The following FAM184B variants were observed in gnomAD, a reference collection of about 807,000 sequenced individuals.
FAM184B encodes the protein family with sequence similarity 184 member B.
FAM184B carries 111 observed loss-of-function variants against 135.9 expected under a neutral mutation model. The observed-to-expected ratio is 0.82, with a 90% CI of 0.70 to 0.96. The LOEUF (loss-of-function observed/expected upper bound fraction) is 0.96. FAM184B is among the 40% of genes least tolerant of loss of function. The probability of loss-of-function intolerance (pLI) is 0.00; values close to 1 mark genes in which losing one functional copy is unlikely to be tolerated. For missense variants in FAM184B, 1,375 were observed against 1,323.9 expected (o/e 1.04, Z -0.60); for synonymous variants, 552 against 524.8 (o/e 1.05, Z -0.71).
At chr4:17,724,478 T>A (rs1316782698) in intron 1 of FAM184B, among the ~76,000 whole-genome samples, 5 of 152,376 alleles carry the variant, frequency 3.3e-5, no homozygotes, top group Middle Eastern at 6.8e-3. Context: ...GCTCTGGCTG[T>A]GCCATGTCCA....
At chr4:17,704,384 C>T (rs1233886785) in intron 5 of FAM184B, among the ~76,000 whole-genome samples, 1 of 152,174 alleles carries the variant, frequency 6.6e-6, no homozygotes, top group Admixed American at 6.5e-5. Context: ...CAGAAATTTC[C>T]CTCACTTTGG....
At position 17,738,262 on chromosome 4, in the gene FAM184B, C is replaced by T. The variant is rs77265916; in HGVS notation, c.142-28618G>A. 4.5e-3 allele frequency among the ~76,000 whole-genome samples: 682 copies of T among 152,064 alleles called. 26 individuals carry two copies. The East Asian group carries it at 0.084, about 19-fold the overall frequency. ...TGGAAGGGTATGAATTCAGAGTGAC[C>T]AGTGGCCCTGCTCTCCATCACATGG... is the stretch of plus-strand genomic sequence containing the variant. On this transcript the variant is annotated intron_variant, in intron 1 of 17. Transcript: ENST00000265018.
chr4:17,725,507 G>A (rs1183447771), intron 1 of FAM184B, among the ~76,000 whole-genome samples: 1 of 152,138 alleles, frequency 6.6e-6, no homozygotes, highest in African/African-American at 2.4e-5. Flanking sequence ...CCTGAATCCA[G>A]GGCTGCTTTC....
chr4:17,735,088 A>AT lies in FAM184B; in HGVS notation c.142-25445_142-25444insA, dbSNP rs1717875537. Among the ~76,000 whole-genome samples the AT allele has an allele frequency of 2.6e-5, 4 of 151,598 alleles. No individual in the cohort carries two copies. The South Asian group carries it at 8.3e-4, about 32-fold the overall frequency. On this transcript the variant is annotated intron_variant, in intron 1 of 17. Transcript: ENST00000265018. ...CAGCAAACTATCGCAAGGAGAAAAA[A>AT]CCAAACACCACATGTTCTCACTCAT... is the stretch of plus-strand genomic sequence containing the variant.
intron 1 of FAM184B, among the ~76,000 whole-genome samples, chr4:17,717,549 C>G (rs1425719825): frequency 6.6e-6 from 1 of 152,114 alleles, no homozygotes; most frequent in Non-Finnish European, 1.5e-5. Context: ...CAGAATCCAT[C>G]AAGGCACATA....
chr4:17,757,029 A>C (rs987249384), intron 1 of FAM184B, among the ~76,000 whole-genome samples: 2 of 152,248 alleles, frequency 1.3e-5, no homozygotes, highest in African/African-American at 2.4e-5. Flanking sequence ...CATCACAAAA[A>C]GAGAAAATCA....
chr4:17,765,494 C>T (rs957941313), intron 1 of FAM184B, among the ~76,000 whole-genome samples: 1 of 152,060 alleles, frequency 6.6e-6, no homozygotes, highest in Admixed American at 6.5e-5. Flanking sequence ...CTCAACCTAA[C>T]TTTCACGATC....
intron 12 of FAM184B, among the ~76,000 whole-genome samples, chr4:17,644,423 G>T (rs1715408432): frequency 6.6e-6 from 1 of 152,104 alleles, no homozygotes; most frequent in Non-Finnish European, 1.5e-5. Context: ...ATGCAAGGCT[G>T]GTTCAATATA....
Position 17,762,473 on chromosome 4 carries a change from G to T in FAM184B, c.141+18686C>A, listed in dbSNP as rs181918598. Among the ~76,000 whole-genome samples the T allele has an allele frequency of 6.3e-3, 961 of 152,288 alleles. 11 individuals are homozygous for T. Among genetic ancestry groups the T allele is most frequent in the African/African-American group, 0.022 (920 of 41,562 alleles). ...GGCTTCAGGCTGTGAGCTGGATTCA[G>T]ATCCGGCTTCATTAGGGCCAGGCTA... On this transcript the variant is annotated intron_variant, in intron 1 of 17. Coordinates refer to ENST00000265018, the MANE Select transcript of FAM184B (RefSeq NM_015688.2).
At chr4:17,674,921 T>A (rs1716278512) in intron 7 of FAM184B, among the ~76,000 whole-genome samples, 1 of 152,204 alleles carries the variant, frequency 6.6e-6, no homozygotes, top group Non-Finnish European at 1.5e-5. Flanking sequence ...TACTTCCTCA[T>A]CTGAAATCTT....
chr4:17,636,512 C>A lies in FAM184B; in HGVS notation c.2784+16G>T, dbSNP rs777286657. 1 of 1,541,822 alleles carries A rather than the reference C, an allele frequency of 6.5e-7. No homozygotes were observed. Among genetic ancestry groups the A allele is most frequent in the Non-Finnish European group, 8.8e-7 (1 of 1,139,782 alleles). Reference sequence around the variant, plus strand: ...CCGGCCAGGTGCGTGGGTGAGGCGCCCCCTGACAGCCTCACCGTGAGCTGC... The same window carrying A: ...CCGGCCAGGTGCGTGGGTGAGGCGCACCCTGACAGCCTCACCGTGAGCTGC... On this transcript the variant is annotated intron_variant, in intron 15 of 17. Coordinates refer to ENST00000265018, the MANE Select transcript of FAM184B (RefSeq NM_015688.2).
chr4:17,647,489 G>C, intron 12 of FAM184B, 148 bp downstream of exon 12: 3 of 964,048 alleles, frequency 3.1e-6, no homozygotes, highest in Non-Finnish European at 4.5e-6. Flanking sequence ...GCCTCAAGTG[G>C]TTCTCTGGCT....
At chr4:17,642,332 C>T in intron 12 of FAM184B, 104 bp from the exon 13 acceptor site, 1 of 1,376,610 alleles carries the variant, frequency 7.3e-7, no homozygotes. Flanking sequence ...ACTGGCACCC[C>T]GCCCAGGCTG....
intron 1 of FAM184B, among the ~76,000 whole-genome samples, chr4:17,753,216 T>C (rs951955238): frequency 6.6e-6 from 1 of 152,230 alleles, no homozygotes; most frequent in Non-Finnish European, 1.5e-5. Context: ...TAATTGTTTG[T>C]TTATTTACAT....
chr4:17,708,278 G>A (rs761818431), intron 2 of FAM184B, among the ~76,000 whole-genome samples: 10 of 152,064 alleles, frequency 6.6e-5, no homozygotes, highest in South Asian at 4.2e-4. Context: ...GTTCTCCAAC[G>A]TTAGGGACCA....
chr4:17,692,262 G>C (rs1318466501), intron 6 of FAM184B, among the ~76,000 whole-genome samples: 1 of 151,940 alleles, frequency 6.6e-6, no homozygotes, highest in African/African-American at 2.4e-5. Flanking sequence ...AAAGGAGGAA[G>C]GATAGAGAAA....
At chr4:17,731,118 C>G (rs148005307) in intron 1 of FAM184B, among the ~76,000 whole-genome samples, 1,614 of 152,126 alleles carry the variant, frequency 0.011, 16 homozygotes, top group Middle Eastern at 0.024. Flanking sequence ...TTACAGACAA[C>G]CAAATGCTGA....
At chr4:17,720,520 A>G (rs1404719321) in intron 1 of FAM184B, among the ~76,000 whole-genome samples, 1 of 151,916 alleles carries the variant, frequency 6.6e-6, no homozygotes, top group African/African-American at 2.4e-5. Context: ...GAAAAATTGG[A>G]GCCCCTGTAC....
At chr4:17,647,460 G>A (rs1441548675) in intron 12 of FAM184B, among the ~76,000 whole-genome samples, 177 bp downstream of exon 12, 1 of 151,974 alleles carries the variant, frequency 6.6e-6, no homozygotes, top group Non-Finnish European at 1.5e-5. Flanking sequence ...ATGTTGCCCT[G>A]GCTGGTCTTG....
Sources: gnomAD v4.1 joint callset for allele counts (sites outside exome capture counted in the v4.1 genomes callset) on GRCh38, gnomAD v4.1.1 for gene constraint, MANE v1.5 for transcripts, NCBI Gene and HGNC (gene_info 2026-07-23, HGNC 2026-07-21) for gene names.